FIGN: variants seen among roughly 807,000 people sequenced by gnomAD.
The protein encoded by FIGN is fidgetin.
Under a neutral mutation model 51.3 loss-of-function variants are expected in FIGN, and 11 were observed. That is an observed-to-expected ratio of 0.21 (90% CI 0.13 to 0.35). FIGN has a LOEUF of 0.35. Ranked by LOEUF, FIGN falls within the 10% of genes least tolerant of loss-of-function variation. The probability of loss-of-function intolerance (pLI) is 1.00; values close to 1 mark genes in which losing one functional copy is unlikely to be tolerated. For missense variants in FIGN, 857 were observed against 943.6 expected (o/e 0.91, Z 1.20); for synonymous variants, 407 against 363.2 (o/e 1.12, Z -1.37).
In FIGN at chr2:163,604,120, T is replaced by C. The variant is rs1395154466; in HGVS notation, c.*5432A>G. On this transcript the variant is annotated 3_prime_UTR_variant, in exon 3 of 3. Coordinates refer to ENST00000333129, the MANE Select transcript of FIGN (RefSeq NM_018086.4). ...TGTTTTTCTTAATTTATATCAGGAGTCACAGAATTAAAATGAAGGCATTTT... is the reference window on the plus strand; with the variant it reads ...TGTTTTTCTTAATTTATATCAGGAGCCACAGAATTAAAATGAAGGCATTTT... The C allele has an allele frequency of 6.6e-6, 1 of 151,940 alleles. No individual in the cohort carries two copies. Among genetic ancestry groups the C allele is most frequent in the East Asian group, 1.9e-4 (1 of 5,180 alleles). The allele number at this position is 151,940 out of a possible 1,614,324, so 9.4% of individuals were successfully genotyped here. A position where few individuals can be genotyped will look rare whatever the true frequency, so the allele number is the denominator to read the frequency against.
At chr2:163,703,015 A>C (rs779175333) in intron 2 of FIGN, among the ~76,000 whole-genome samples, 23 of 150,492 alleles carry the variant, frequency 1.5e-4, no homozygotes, top group Admixed American at 7.3e-4. Flanking sequence ...AAATCTGCTC[A>C]GGGTGATTAT....
chr2:163,713,427 C>T (rs1381756499), intron 2 of FIGN, among the ~76,000 whole-genome samples: 1 of 151,726 alleles, frequency 6.6e-6, no homozygotes, highest in African/African-American at 2.4e-5. Flanking sequence ...GACATACACA[C>T]ACAGATGTCT....
Position 163,609,514 on chromosome 2 carries a change from G to T in FIGN, c.*38C>A. ...TATGTAGCAGGTTTTATGTGTGTGT[G>T]CCAACATTCATTACATTTTTTTTTT... On this transcript the variant is annotated 3_prime_UTR_variant, in exon 3 of 3. Transcript: ENST00000333129. The T allele has an allele frequency of 6.5e-7, 1 of 1,538,842 alleles. No homozygotes were observed. Among genetic ancestry groups the T allele is most frequent in the Non-Finnish European group, 8.8e-7 (1 of 1,137,728 alleles).
chr2:163,704,509 A>G (rs575334310), intron 2 of FIGN, among the ~76,000 whole-genome samples: 2 of 152,122 alleles, frequency 1.3e-5, no homozygotes, highest in South Asian at 4.2e-4. Context: ...TACATAGGCC[A>G]ATTTTTATTC....
rs576113013 is a variant in FIGN at position 163,717,457 on chromosome 2, A to T, written c.25+17446T>A. On this transcript the variant is annotated intron_variant, in intron 2 of 2. Transcript: ENST00000333129. Reference sequence around the variant, plus strand: ...AACATATAAGCTTTTTCTTTTTCTGATGTGGGCATAGAGTCATAGTATTTT... The same window carrying T: ...AACATATAAGCTTTTTCTTTTTCTGTTGTGGGCATAGAGTCATAGTATTTT... 9.2e-5 allele frequency among the ~76,000 whole-genome samples: 14 copies of T among 151,996 alleles called. No individual in the cohort carries two copies. In the South Asian group the frequency reaches 2.7e-3, roughly 29 times the overall value.
chr2:163,674,766 T>A (rs996251010), intron 2 of FIGN, among the ~76,000 whole-genome samples: 1 of 152,084 alleles, frequency 6.6e-6, no homozygotes, highest in Non-Finnish European at 1.5e-5. Flanking sequence ...GCCTTCTTCC[T>A]CCAAAGAATT....
At chr2:163,667,787 T>C (rs1683804249) in intron 2 of FIGN, among the ~76,000 whole-genome samples, 1 of 152,202 alleles carries the variant, frequency 6.6e-6, no homozygotes, top group Non-Finnish European at 1.5e-5. Context: ...TTCTTCACAC[T>C]GTGCTGTAAC....
chr2:163,646,565 T>C (rs928160386), intron 2 of FIGN, among the ~76,000 whole-genome samples: 1 of 152,222 alleles, frequency 6.6e-6, no homozygotes, highest in African/African-American at 2.4e-5. Context: ...AGCTATATGC[T>C]CTTTCAGTGA....
chr2:163,717,877 T>C (rs1387759661), intron 2 of FIGN, among the ~76,000 whole-genome samples: 1 of 152,164 alleles, frequency 6.6e-6, no homozygotes, highest in Non-Finnish European at 1.5e-5. Flanking sequence ...GCTGTAACCT[T>C]TCTTGAAATG....
intron 2 of FIGN, among the ~76,000 whole-genome samples, chr2:163,631,977 G>T (rs567410286): frequency 6.6e-6 from 1 of 152,020 alleles, no homozygotes; most frequent in African/African-American, 2.4e-5. Context: ...GTGAAACCGC[G>T]TCTCTACTAA....
chr2:163,708,260 C>T (rs1684532442), intron 2 of FIGN, among the ~76,000 whole-genome samples: 1 of 150,848 alleles, frequency 6.6e-6, no homozygotes, highest in Non-Finnish European at 1.5e-5. Flanking sequence ...ATAGCTGACC[C>T]TAACCAGTGC....
rs555558935 is a variant in FIGN at position 163,719,977 on chromosome 2, AT to A, written c.25+14925del. On this transcript the variant is annotated intron_variant, in intron 2 of 2. Transcript: ENST00000333129. Reference sequence around the variant, plus strand: ...GTTTGTCATCACCCAAGCTGAAATCATTTTTTTTAAACCTCTAAGTAGCCCA... The same window carrying A: ...GTTTGTCATCACCCAAGCTGAAATCATTTTTTTAAACCTCTAAGTAGCCCA... Among the ~76,000 whole-genome samples, 181 of 152,122 alleles carry A rather than the reference AT, an allele frequency of 1.2e-3. 2 individuals are homozygous for A. Among genetic ancestry groups the A allele is most frequent in the African/African-American group, 3.2e-3 (133 of 41,504 alleles).
intron 2 of FIGN, among the ~76,000 whole-genome samples, chr2:163,648,511 A>ATGGAAGCAT: frequency 6.6e-6 from 1 of 152,338 alleles, no homozygotes; most frequent in South Asian, 2.1e-4. Context: ...CCTGAGATTC[A>ATGGAAGCAT]TGGAAGCATT....
At chr2:163,658,124 G>A (rs957557758) in intron 2 of FIGN, among the ~76,000 whole-genome samples, 4 of 152,222 alleles carry the variant, frequency 2.6e-5, no homozygotes, top group African/African-American at 7.2e-5. Flanking sequence ...TGTTGTCTGC[G>A]GAATAGATAT....
rs189666886 is a variant in FIGN, at chr2:163,728,796, T to C, written c.25+6107A>G. On this transcript the variant is annotated intron_variant, in intron 2 of 2. Transcript: ENST00000333129. ...CACCCCACCACACAATACAGGGCCC[T>C]GCATTTTGTTTAATGCTGTGTGTTG... Among the ~76,000 whole-genome samples, 350 of 152,284 alleles carry C rather than the reference T, an allele frequency of 2.3e-3. 2 individuals are homozygous for C. The highest frequency in any genetic ancestry group is 8.2e-3 in the African/African-American group (341 of 41,544).
chr2:163,692,719 T>C (rs560147362), intron 2 of FIGN, among the ~76,000 whole-genome samples: 5 of 152,146 alleles, frequency 3.3e-5, no homozygotes, highest in Non-Finnish European at 7.3e-5. Context: ...ACAGTGGAGA[T>C]GTTAAAAAGA....
At chr2:163,622,879 A>G (rs1682997044) in intron 2 of FIGN, among the ~76,000 whole-genome samples, 1 of 152,138 alleles carries the variant, frequency 6.6e-6, no homozygotes, top group Non-Finnish European at 1.5e-5. Context: ...CACGTTTTTG[A>G]ACTACCAGAT....
chr2:163,621,483 G>A (rs1325797279), intron 2 of FIGN, among the ~76,000 whole-genome samples: 1 of 152,166 alleles, frequency 6.6e-6, no homozygotes. Flanking sequence ...CATATGAAAT[G>A]AGTTTTGGTA....
intron 2 of FIGN, among the ~76,000 whole-genome samples, chr2:163,647,990 T>A (rs1399375076): frequency 6.6e-6 from 1 of 151,810 alleles, no homozygotes; most frequent in Non-Finnish European, 1.5e-5. Flanking sequence ...AACAAGTGGC[T>A]GAGAGAGACA....
Sources: gnomAD v4.1 joint callset for allele counts (sites outside exome capture counted in the v4.1 genomes callset) on GRCh38, gnomAD v4.1.1 for gene constraint, MANE v1.5 for transcripts, NCBI Gene and HGNC (gene_info 2026-07-23, HGNC 2026-07-21) for gene names.